Variants in CLMP observed in about 807,000 individuals in gnomAD.
CLMP encodes CXADR like cell adhesion molecule, also known as CXADR-like membrane protein.
Under a neutral mutation model 45.2 loss-of-function variants are expected in CLMP, and 27 were observed. That is an observed-to-expected ratio of 0.60 (90% CI 0.44 to 0.82). CLMP has a LOEUF of 0.82. CLMP is among the 40% of genes least tolerant of loss of function. The pLI is 0.00. For missense variants in CLMP, 403 were observed against 448.4 expected, an observed-to-expected ratio of 0.90 and a Z score of 0.91; for synonymous variants, 167 against 171.4, an observed-to-expected ratio of 0.97 and a Z score of 0.20.
intron 1 of CLMP, among the ~76,000 whole-genome samples, chr11:123,185,329 CTCTG>C (rs1303994820): frequency 2.2e-4 from 33 of 152,272 alleles, no homozygotes; most frequent in Admixed American, 1.1e-3. Context: ...GGTCTTTGTT[CTCTG>C]TCTGTCTGTC....
At chr11:123,142,119 G>T (rs571415760) in intron 1 of CLMP, among the ~76,000 whole-genome samples, 89 of 151,894 alleles carry the variant, frequency 5.9e-4, no homozygotes, top group Non-Finnish European at 1.2e-3. Flanking sequence ...TGAGTAGCTG[G>T]GAATACAGGT....
In CLMP at chr11:123,150,201, AACACACAC is replaced by A. The variant is rs113858165; in HGVS notation, c.28+44704_28+44711del. ...GGAAAAAAATGCTACACACACACTA[AACACACAC>A]ACACACACACACACACACACAGGGA... On this transcript the variant is annotated intron_variant, in intron 1 of 6. Transcript: ENST00000448775. Among the ~76,000 whole-genome samples the A allele has an allele frequency of 3.7e-3, 521 of 142,280 alleles. 1 individual carries two copies. Among genetic ancestry groups the A allele is most frequent in the African/African-American group, 0.013 (484 of 38,326 alleles). 93.3% of individuals were successfully genotyped at this position (142,280 alleles called of 152,430 possible).
chr11:123,188,498 C>T (rs1018094851), intron 1 of CLMP, among the ~76,000 whole-genome samples: 2 of 151,998 alleles, frequency 1.3e-5, no homozygotes, highest in Admixed American at 6.6e-5. Context: ...TGCCACCGTT[C>T]GTGACCTGAA....
Position 123,118,993 on chromosome 11 carries a change from CTTTCTT to C in CLMP, c.29-21047_29-21042del, listed in dbSNP as rs1565387893. On this transcript the variant is annotated intron_variant, in intron 1 of 6. Transcript: ENST00000448775. ...TCTTTCTTTCTTTCTTTCTTTCTTT[CTTTCTT>C]TCTCTCTCTCTCTCTCTCTCTCTCT... 4.4e-3 allele frequency among the ~76,000 whole-genome samples: 181 copies of C among 41,042 alleles called. 3 individuals carry two copies. The highest frequency in any genetic ancestry group is 5.5e-3 in the Non-Finnish European group (124 of 22,418). The allele number at this position is 41,042 out of a possible 152,430, so 26.9% of individuals were successfully genotyped here.
At chr11:123,073,872 A>T in intron 6 of CLMP, 98 bp from the exon 7 acceptor site, 1 of 1,315,142 alleles carries the variant, frequency 7.6e-7, no homozygotes, top group East Asian at 2.4e-5. Flanking sequence ...TGAACCTCAG[A>T]TAATACCATC....
At chr11:123,090,322 C>T (rs1029744044) in intron 2 of CLMP, among the ~76,000 whole-genome samples, 7 of 150,164 alleles carry the variant, frequency 4.7e-5, no homozygotes, top group Non-Finnish European at 1.5e-5. Flanking sequence ...GGCGTGGTGG[C>T]ATGCACCTGT....
intron 1 of CLMP, among the ~76,000 whole-genome samples, chr11:123,101,122 CTTTT>C (rs751504685): frequency 1.2e-4 from 18 of 152,096 alleles, no homozygotes; most frequent in Admixed American, 2.0e-4. Flanking sequence ...TTTTTCTTTT[CTTTT>C]GAGATGGAGT....
intron 1 of CLMP, among the ~76,000 whole-genome samples, chr11:123,115,735 G>A (rs905246540): frequency 1.1e-4 from 17 of 152,092 alleles, no homozygotes; most frequent in South Asian, 2.1e-4. Context: ...ACCATTTCAC[G>A]AAATTTGTTG....
intron 1 of CLMP, among the ~76,000 whole-genome samples, chr11:123,182,062 G>A (rs1861776682): frequency 6.6e-6 from 1 of 152,124 alleles, no homozygotes; most frequent in Admixed American, 6.5e-5. Flanking sequence ...ACCTTGCTTG[G>A]TGCCTGCTAT....
intron 1 of CLMP, among the ~76,000 whole-genome samples, chr11:123,166,985 T>C (rs1861566971): frequency 6.6e-6 from 1 of 152,086 alleles, no homozygotes; most frequent in Non-Finnish European, 1.5e-5. Context: ...CCTTGGCTAA[T>C]GTGGATCATT....
In CLMP at chr11:123,112,860, G is replaced by A. The variant is rs11218989; in HGVS notation, c.29-14908C>T. On this transcript the variant is annotated intron_variant, in intron 1 of 6. Coordinates refer to ENST00000448775, the MANE Select transcript of CLMP (RefSeq NM_024769.5). ...GCAATCTTGGCTCACTGCAAGCTCC[G>A]CCTCCCGGGTTCACGCCATTCTCCT... 3.8e-3 allele frequency among the ~76,000 whole-genome samples: 541 copies of A among 141,792 alleles called. 2 individuals carry two copies. Among genetic ancestry groups the A allele is most frequent in the Non-Finnish European group, 5.6e-3 (377 of 66,802 alleles). 93.0% of individuals were successfully genotyped at this position (141,792 alleles called of 152,430 possible).
Position 123,136,560 on chromosome 11 carries a change from ATTTTTTTT to A in CLMP, c.29-38616_29-38609del, listed in dbSNP as rs34074982. On this transcript the variant is annotated intron_variant, in intron 1 of 6. Transcript: ENST00000448775. ...GAACTTGGGTTATTACTTTTAAGTA[ATTTTTTTT>A]TTTTTTTTTTTTTTTTTGAGACTGA... Among the ~76,000 whole-genome samples, 11 of 85,856 alleles carry A rather than the reference ATTTTTTTT, an allele frequency of 1.3e-4. No homozygotes were observed. In the Admixed American group the frequency reaches 1.4e-3, roughly 11 times the overall value. The allele number at this position is 85,856 out of a possible 152,430, so 56.3% of individuals were successfully genotyped here. A position where few individuals can be genotyped will look rare whatever the true frequency, so the allele number is the denominator to read the frequency against.
At chr11:123,183,718 C>T (rs925111138) in intron 1 of CLMP, among the ~76,000 whole-genome samples, 2 of 152,206 alleles carry the variant, frequency 1.3e-5, no homozygotes. Context: ...TCAAATCTTC[C>T]CAGAGAAGAC....
rs550888215 is a variant in CLMP at position 123,141,173 on chromosome 11, C to CTTT, written c.29-43224_29-43222dup. ...GTACATTATCCAATCTCAGGCATTC[C>CTTT]TTTTTTTTTTTTTTTTTTTTTTTTT... On this transcript the variant is annotated intron_variant, in intron 1 of 6. Transcript: ENST00000448775. 4.2e-4 allele frequency among the ~76,000 whole-genome samples: 34 copies of CTTT among 80,840 alleles called. 1 individual carries two copies. Among genetic ancestry groups the CTTT allele is most frequent in the African/African-American group, 6.7e-4 (12 of 17,974 alleles). 53.0% of individuals were successfully genotyped at this position (80,840 alleles called of 152,430 possible). A position where few individuals can be genotyped will look rare whatever the true frequency, so the allele number is the denominator to read the frequency against.
At position 123,073,548 on chromosome 11, in the gene CLMP, G is replaced by A; in HGVS notation, c.1048C>T (p.His350Tyr). The change falls in exon 7 of 7, where the codon CAT becomes TAT. Residue 350 changes from histidine (H) to tyrosine (Y), a missense_variant. His to Tyr is a moderately conservative substitution (Grantham distance 83). Transcript: ENST00000448775. ...VRGSEPKKVH[H>Y]ANLTKAETTP... ...GTTTCTGCTTTGGTCAGATTAGCATGGTGGACTTTCTTTGGTTCAGAACCT... is the reference window on the plus strand; with the variant it reads ...GTTTCTGCTTTGGTCAGATTAGCATAGTGGACTTTCTTTGGTTCAGAACCT... The A allele has an allele frequency of 6.2e-7, 1 of 1,614,190 alleles. No homozygotes were observed. Among genetic ancestry groups the A allele is most frequent in the Non-Finnish European group, 8.5e-7 (1 of 1,180,032 alleles).
At chr11:123,136,869 C>G (rs1002773594) in intron 1 of CLMP, among the ~76,000 whole-genome samples, 1 of 151,772 alleles carries the variant, frequency 6.6e-6, no homozygotes, top group Non-Finnish European at 1.5e-5. Context: ...CGCCCTGTCA[C>G]CTTTGATTTT....
intron 2 of CLMP, among the ~76,000 whole-genome samples, chr11:123,097,480 G>A (rs1441958338): frequency 6.6e-6 from 1 of 152,086 alleles, no homozygotes; most frequent in Non-Finnish European, 1.5e-5. Flanking sequence ...TAGGTTTACA[G>A]GCATAGGCCA....
At chr11:123,163,528 C>T (rs572745264) in intron 1 of CLMP, among the ~76,000 whole-genome samples, 3 of 152,126 alleles carry the variant, frequency 2.0e-5, no homozygotes, top group Non-Finnish European at 4.4e-5. Context: ...CTACTCAAAG[C>T]GTGGCCTGGG....
intron 1 of CLMP, among the ~76,000 whole-genome samples, chr11:123,107,033 A>T (rs901730476): frequency 1.1e-4 from 16 of 146,700 alleles, no homozygotes; most frequent in African/African-American, 2.3e-4. Context: ...AAAAAAAAAA[A>T]TAATAATAAT....
Sources: gnomAD v4.1 joint callset for allele counts (sites outside exome capture counted in the v4.1 genomes callset) on GRCh38, gnomAD v4.1.1 for gene constraint, MANE v1.5 for transcripts, NCBI Gene and HGNC (gene_info 2026-07-23, HGNC 2026-07-21) for gene names.